Variants in SGCZ observed in about 807,000 individuals in gnomAD.
SGCZ encodes zeta-sarcoglycan.
SGCZ carries 40 observed loss-of-function variants against 41.3 expected under a neutral mutation model. The ratio of observed to expected loss-of-function variants is 0.97; its 90% confidence interval spans 0.75 to 1.26. The LOEUF is 1.26. SGCZ is among the 50% of genes most tolerant of loss of function. The pLI is 0.00. For synonymous variants in SGCZ, 206 were observed against 137.5 expected (o/e 1.50, Z -3.49); for missense variants, 552 against 369.8 (o/e 1.49, Z -4.04).
intron 2 of SGCZ, among the ~76,000 whole-genome samples, chr8:14,450,340 T>A (rs917830039): frequency 2.6e-5 from 4 of 152,216 alleles, no homozygotes; most frequent in Admixed American, 6.5e-5. Context: ...ATATACGTGT[T>A]TCATTTCAGC....
chr8:14,372,352 A>G (rs1803944683), intron 2 of SGCZ, among the ~76,000 whole-genome samples: 1 of 152,234 alleles, frequency 6.6e-6, no homozygotes, highest in Admixed American at 6.5e-5. Flanking sequence ...AAATAATTCC[A>G]TCATTCATTC....
chr8:14,273,421 C>T (rs974726963), intron 3 of SGCZ, among the ~76,000 whole-genome samples: 4 of 152,100 alleles, frequency 2.6e-5, no homozygotes, highest in African/African-American at 9.7e-5. Context: ...ATTTCTCCCA[C>T]ACAAATATCC....
intron 1 of SGCZ, among the ~76,000 whole-genome samples, chr8:14,891,927 A>T (rs1247755330): frequency 1.3e-5 from 2 of 152,214 alleles, no homozygotes; most frequent in Non-Finnish European, 2.9e-5. Context: ...TTTTAAAATT[A>T]TGGTATGTAT....
intron 1 of SGCZ, among the ~76,000 whole-genome samples, chr8:14,840,532 T>C (rs1802866689): frequency 6.6e-6 from 1 of 152,070 alleles, no homozygotes; most frequent in Non-Finnish European, 1.5e-5. Flanking sequence ...TGTTGCCAAT[T>C]AAAAATCTGT....
chr8:14,339,493 G>T (rs1802626055), intron 2 of SGCZ, among the ~76,000 whole-genome samples: 1 of 152,228 alleles, frequency 6.6e-6, no homozygotes, highest in African/African-American at 2.4e-5. Context: ...CAAGCTTTCA[G>T]TACAAAATTC....
chr8:14,848,120 A>G (rs1253972476), intron 1 of SGCZ, among the ~76,000 whole-genome samples: 1 of 152,170 alleles, frequency 6.6e-6, no homozygotes, highest in East Asian at 1.9e-4. Context: ...TATTATATAC[A>G]GTAGCATAAA....
chr8:14,162,955 T>A (rs1234930971), intron 5 of SGCZ, among the ~76,000 whole-genome samples: 1 of 152,188 alleles, frequency 6.6e-6, no homozygotes, highest in African/African-American at 2.4e-5. Flanking sequence ...ATTGCAGCCT[T>A]GACCTCCTGG....
At chr8:14,415,293 T>G (rs529080132) in intron 2 of SGCZ, among the ~76,000 whole-genome samples, 1 of 152,054 alleles carries the variant, frequency 6.6e-6, no homozygotes, top group Admixed American at 6.6e-5. Flanking sequence ...AAAAATTGTT[T>G]ATCACAACAG....
chr8:14,117,844 C>T lies in SGCZ; in HGVS notation c.548-9609G>A, dbSNP rs557224535. Among the ~76,000 whole-genome samples, 88 of 150,964 alleles carry T rather than the reference C, an allele frequency of 5.8e-4. 2 individuals are homozygous for T. The highest frequency in any genetic ancestry group is 2.0e-3 in the African/African-American group (81 of 41,214). The stretch of plus-strand genomic sequence containing the variant: ...GTGAGAACATGCAGTTTTTGATTTT[C>T]TCTTCTTGTGTTCGTTTGCTGAGAA... On this transcript the variant is annotated intron_variant, in intron 5 of 7. Transcript: ENST00000382080.
chr8:14,450,970 G>A (rs890960213), intron 2 of SGCZ, among the ~76,000 whole-genome samples: 1 of 152,122 alleles, frequency 6.6e-6, no homozygotes, highest in African/African-American at 2.4e-5. Context: ...ACAGCACATG[G>A]CCCATTATGA....
At chr8:14,458,414 G>T (rs138745594) in intron 2 of SGCZ, among the ~76,000 whole-genome samples, 1 of 152,146 alleles carries the variant, frequency 6.6e-6, no homozygotes, top group Non-Finnish European at 1.5e-5. Flanking sequence ...AGGGTTATGC[G>T]TAGGTGATGC....
chr8:14,522,159 C>A (rs1223034811), intron 2 of SGCZ, among the ~76,000 whole-genome samples: 5 of 151,904 alleles, frequency 3.3e-5, no homozygotes, highest in African/African-American at 9.7e-5. Flanking sequence ...TTGCTGAATT[C>A]TCTTTGCTAA....
chr8:14,185,896 T>G (rs528375137), intron 4 of SGCZ, among the ~76,000 whole-genome samples: 6 of 152,364 alleles, frequency 3.9e-5, no homozygotes, highest in Admixed American at 2.0e-4. Flanking sequence ...TTAAATAATA[T>G]CTACATGTTG....
At chr8:14,601,831 T>C (rs548315868) in intron 1 of SGCZ, among the ~76,000 whole-genome samples, 1 of 152,148 alleles carries the variant, frequency 6.6e-6, no homozygotes, top group Non-Finnish European at 1.5e-5. Context: ...TAAAACCTTA[T>C]GATGTGGTGC....
At chr8:15,203,239 T>C (rs1203282362) in intron 1 of SGCZ, among the ~76,000 whole-genome samples, 1 of 152,216 alleles carries the variant, frequency 6.6e-6, no homozygotes, top group Non-Finnish European at 1.5e-5. Flanking sequence ...CATATTTGCT[T>C]ATTGTAAGTA....
chr8:14,450,006 T>C (rs1284426444), intron 2 of SGCZ, among the ~76,000 whole-genome samples: 1 of 152,198 alleles, frequency 6.6e-6, no homozygotes, highest in Non-Finnish European at 1.5e-5. Flanking sequence ...TGCAATGTAA[T>C]ATGATCCAGA....
chr8:14,663,746 T>A (rs1807825211), intron 1 of SGCZ, among the ~76,000 whole-genome samples: 2 of 152,142 alleles, frequency 1.3e-5, no homozygotes, highest in Non-Finnish European at 2.9e-5. Context: ...GTAATTCTTA[T>A]CCCACTTAGA....
intron 5 of SGCZ, among the ~76,000 whole-genome samples, chr8:14,156,304 A>G (rs1214574439): frequency 6.6e-6 from 1 of 152,092 alleles, no homozygotes. Flanking sequence ...CTAAAAATAT[A>G]AAAAAGTTAG....
intron 3 of SGCZ, among the ~76,000 whole-genome samples, chr8:14,244,478 C>T (rs1389539605): frequency 1.3e-5 from 2 of 152,146 alleles, no homozygotes; most frequent in Non-Finnish European, 2.9e-5. Flanking sequence ...CAGTACCATG[C>T]TGTTTTGGTT....
Sources: gnomAD v4.1 joint callset for allele counts (sites outside exome capture counted in the v4.1 genomes callset) on GRCh38, gnomAD v4.1.1 for gene constraint, MANE v1.5 for transcripts, NCBI Gene and HGNC (gene_info 2026-07-23, HGNC 2026-07-21) for gene names.